DOCK9: variants seen among roughly 807,000 people sequenced by gnomAD.
DOCK9 encodes dedicator of cytokinesis protein 9.
A neutral mutation model predicts 263.3 loss-of-function variants in DOCK9; 89 were observed. The ratio of observed to expected loss-of-function variants is 0.34; its 90% CI spans 0.28 to 0.40. The LOEUF (loss-of-function observed/expected upper bound fraction) is 0.40, where lower values mean the gene tolerates loss of function less well. Ranked by LOEUF, DOCK9 falls within the 10% of genes least tolerant of loss-of-function variation. The probability of loss-of-function intolerance (pLI) is 1.00; values close to 1 mark genes in which losing one functional copy is unlikely to be tolerated. For missense variants in DOCK9, 2,140 were observed against 2,603.4 expected (o/e 0.82, Z 3.87); for synonymous variants, 976 against 973.1 (o/e 1.00, Z -0.06).
At chr13:98,846,536 A>G in intron 37 of DOCK9, 3 of 1,352,114 alleles carry the variant, frequency 2.2e-6, no homozygotes, top group Non-Finnish European at 2.9e-6. Flanking sequence ...AGGAAGGAGA[A>G]GAGCCACACA....
chr13:98,896,400 A>G (rs1403241202), intron 15 of DOCK9, among the ~76,000 whole-genome samples: 2 of 152,030 alleles, frequency 1.3e-5, no homozygotes, highest in East Asian at 3.9e-4. Context: ...CTGAAGACAG[A>G]TAAGAAAAAG....
At chr13:98,966,598 A>T (rs1212025388) in intron 1 of DOCK9, among the ~76,000 whole-genome samples, 1 of 152,258 alleles carries the variant, frequency 6.6e-6, no homozygotes, top group African/African-American at 2.4e-5. Flanking sequence ...TGAAATGAAG[A>T]GGGCAAGTAA....
At chr13:99,042,797 G>A (rs1466385338) in intron 1 of DOCK9, among the ~76,000 whole-genome samples, 1 of 152,178 alleles carries the variant, frequency 6.6e-6, no homozygotes, top group Non-Finnish European at 1.5e-5. Context: ...CACTGCAGGT[G>A]GAGACTAGTT....
intron 1 of DOCK9, among the ~76,000 whole-genome samples, chr13:98,958,131 G>A (rs1308070849): frequency 6.6e-6 from 1 of 152,246 alleles, no homozygotes; most frequent in African/African-American, 2.4e-5. Context: ...ATTAGGTTTG[G>A]GGATTTTTTG....
rs369513968 is a variant in DOCK9 at position 98,943,095 on chromosome 13, C to A, written c.243+12340G>T. On this transcript the variant is annotated intron_variant, in intron 2 of 52. Transcript: ENST00000682017. ...CTTATGCACTGAGTATAATTTCACT[C>A]AAATCCCTCTGAGTTGACCAGCGCC... Among the ~76,000 whole-genome samples the A allele has an allele frequency of 1.2e-4, 19 of 152,364 alleles. No individual in the cohort carries two copies. In the East Asian group the frequency reaches 1.9e-3, roughly 15 times the overall value.
At chr13:98,891,398 T>C (rs1287257894) in intron 15 of DOCK9, among the ~76,000 whole-genome samples, 1 of 152,216 alleles carries the variant, frequency 6.6e-6, no homozygotes, top group Non-Finnish European at 1.5e-5. Flanking sequence ...TTGTATCTGC[T>C]TTGAGTTAGA....
At chr13:98,835,708 G>C (rs930766676) in intron 39 of DOCK9, among the ~76,000 whole-genome samples, 8 of 144,618 alleles carry the variant, frequency 5.5e-5, no homozygotes, top group African/African-American at 1.5e-4. Context: ...TCCAGGAATA[G>C]TGACAAATAC....
At chr13:99,011,191 C>T (rs1276881686) in intron 1 of DOCK9, among the ~76,000 whole-genome samples, 2 of 152,230 alleles carry the variant, frequency 1.3e-5, no homozygotes, top group African/African-American at 2.4e-5. Flanking sequence ...GCCACCATGC[C>T]TGGCCTTACC....
At chr13:99,075,045 T>C (rs929519201) in intron 1 of DOCK9, among the ~76,000 whole-genome samples, 3 of 152,208 alleles carry the variant, frequency 2.0e-5, no homozygotes, top group African/African-American at 7.2e-5. Flanking sequence ...TTTGTTTCTC[T>C]GGACTGTAAA....
At chr13:99,061,996 C>T (rs1028173866) in intron 1 of DOCK9, among the ~76,000 whole-genome samples, 4 of 152,046 alleles carry the variant, frequency 2.6e-5, no homozygotes, top group African/African-American at 9.7e-5. Context: ...CTCAACCTCC[C>T]AATTAGCTGG....
Position 98,867,382 on chromosome 13 carries a change from GTC to G in DOCK9, c.3286+41_3286+42del, listed in dbSNP as rs772049052. The G allele has an allele frequency of 1.1e-5, 12 of 1,047,910 alleles. No individual in the cohort carries two copies. In the East Asian group the frequency reaches 2.4e-4, roughly 21 times the overall value. The allele number at this position is 1,047,910 out of a possible 1,614,324, so 64.9% of individuals were successfully genotyped here. A position where few individuals can be genotyped will look rare whatever the true frequency, so the allele number is the denominator to read the frequency against. On this transcript the variant is annotated intron_variant, in intron 30 of 52. Coordinates refer to ENST00000682017, the MANE Select transcript of DOCK9 (RefSeq NM_001366683.2). Reference sequence around the variant, plus strand: ...TTATCTTTTCTTATTGAAAATAAATGTCTCTGTTTGTGAAAAGGTTAATAGAA... The same window carrying G: ...TTATCTTTTCTTATTGAAAATAAATGTCTGTTTGTGAAAAGGTTAATAGAA...
In DOCK9 at chr13:98,825,062, C is replaced by A. The variant is rs1018328378; in HGVS notation, c.5024-558G>T. ...TTAGCTGGTTCCCACCCCAGAGGCC[C>A]CGGGGTGGGTGGCTGGCTGCATCAA... On this transcript the variant is annotated intron_variant, in intron 44 of 52. Transcript: ENST00000682017. The surrounding 1 kb of genome is among the most constrained non-coding windows in gnomAD (Gnocchi z 4.1). Among the ~76,000 whole-genome samples the A allele has an allele frequency of 6.6e-6, 1 of 152,094 alleles. No individual in the cohort carries two copies. The highest frequency in any genetic ancestry group is 2.4e-5 in the African/African-American group (1 of 41,412).
intron 1 of DOCK9, among the ~76,000 whole-genome samples, chr13:98,963,872 C>T (rs994786401): frequency 6.6e-6 from 1 of 152,236 alleles, no homozygotes; most frequent in Admixed American, 6.5e-5. Flanking sequence ...GACACACAAG[C>T]CTTCCTGCAC....
intron 1 of DOCK9, among the ~76,000 whole-genome samples, chr13:98,960,729 T>G (rs1354834947): frequency 1.3e-5 from 2 of 152,122 alleles, no homozygotes; most frequent in African/African-American, 4.8e-5. Flanking sequence ...GAGGCCCCAG[T>G]CCAGAGCCAA....
chr13:99,052,964 A>G lies in DOCK9; in HGVS notation c.129+33259T>C, dbSNP rs115782076. Among the ~76,000 whole-genome samples, 428 of 152,220 alleles carry G rather than the reference A, an allele frequency of 2.8e-3. 5 individuals are homozygous for G. The highest frequency in any genetic ancestry group is 1.0e-2 in the African/African-American group (414 of 41,548). On this transcript the variant is annotated intron_variant, in intron 1 of 32. Coordinates refer to the DOCK9 transcript ENST00000427887. ...TCTCTCCACTCTATTGATGCTAATG[A>G]ATTTCTAATGGTAGGTTTTTCAGGC...
chr13:98,797,122 T>C lies in DOCK9; in HGVS notation c.6149A>G (p.His2050Arg). 1.9e-6 allele frequency: 3 copies of C among 1,614,048 alleles called. No individual in the cohort carries two copies. The highest frequency in any genetic ancestry group is 1.1e-5 in the South Asian group (1 of 91,084). Residue 2050 changes from histidine to arginine, a missense_variant, in exon 52 of 53, where the codon CAT becomes CGT. Transcript: ENST00000682017. ...EMAKELSEIMHEQICPLEEKT... is the reference protein window; with the variant it reads ...EMAKELSEIMREQICPLEEKT... ...AGCCAGTGCGGCCCTCACCTGCTCA[T>C]GCATGATTTCAGAAAGCTCCTTCGC...
intron 9 of DOCK9, among the ~76,000 whole-genome samples, chr13:98,912,941 C>T (rs1226732629): frequency 2.0e-5 from 3 of 152,098 alleles, no homozygotes; most frequent in African/African-American, 7.2e-5. Context: ...AACAAAAAAG[C>T]AAATCTCAAT....
At chr13:98,921,117 C>T in intron 6 of DOCK9, 29 bp from the exon 7 acceptor site, 2 of 1,575,510 alleles carry the variant, frequency 1.3e-6, no homozygotes, top group Non-Finnish European at 1.7e-6. Flanking sequence ...CACAGCTATT[C>T]TTTCAAAATG....
chr13:98,912,512 T>C (rs1255710450), intron 9 of DOCK9, among the ~76,000 whole-genome samples: 8 of 152,144 alleles, frequency 5.3e-5, no homozygotes, highest in African/African-American at 1.9e-4. Context: ...TAACCTAACT[T>C]GTAACCCATA....
Sources: allele counts gnomAD v4.1 joint callset (sites outside exome capture counted in the v4.1 genomes callset), GRCh38; gene constraint gnomAD v4.1.1; non-coding constraint Gnocchi (gnomAD v3.1); transcripts MANE v1.5; gene names NCBI Gene and HGNC (gene_info 2026-07-23, HGNC 2026-07-21).